RARS2: variants seen among roughly 807,000 people sequenced by gnomAD.
RARS2 encodes the protein probable arginine--tRNA ligase, mitochondrial.
A neutral mutation model predicts 88.5 loss-of-function variants in RARS2; 67 were observed. The observed-to-expected ratio is 0.76, with a 90% CI of 0.62 to 0.93. The LOEUF (loss-of-function observed/expected upper bound fraction) is 0.93. RARS2 is among the 40% of genes least tolerant of loss of function. The probability of loss-of-function intolerance (pLI) is 0.00; values close to 1 mark genes in which losing one functional copy is unlikely to be tolerated. For missense variants in RARS2, 664 were observed against 684.2 expected (o/e 0.97, Z 0.33); for synonymous variants, 239 against 230.3 (o/e 1.04, Z -0.34).
At chr6:87,564,410 A>G (rs1767199344) in intron 2 of RARS2, 178 bp from the exon 3 acceptor site, 1 of 601,796 alleles carries the variant, frequency 1.7e-6, no homozygotes, top group Non-Finnish European at 3.0e-6. Context: ...CTGTAATCCC[A>G]GCACTTTGGG....
chr6:87,516,890 G>A lies in RARS2; in HGVS notation c.1512-10C>T. 2 of 1,613,402 alleles carry A rather than the reference G, an allele frequency of 1.2e-6. No homozygotes were observed. The highest frequency in any genetic ancestry group is 1.1e-5 in the South Asian group (1 of 91,024). On this transcript the variant is annotated splice_polypyrimidine_tract_variant and intron_variant, in intron 17 of 19. Transcript: ENST00000369536. The stretch of plus-strand genomic sequence containing the variant: ...AAGCACCTCGTCGAACCTAAAAGAT[G>A]ACAGGAACAGTGAACAGGAAAAGAC...
chr6:87,575,987 A>G (rs1771370647), intron 1 of RARS2, among the ~76,000 whole-genome samples: 1 of 151,830 alleles, frequency 6.6e-6, no homozygotes, highest in Non-Finnish European at 1.5e-5. Flanking sequence ...TTTAGCAGAG[A>G]CAGGGTTTCA....
In RARS2 at chr6:87,562,564, C is replaced by A. The variant is rs942209017; in HGVS notation, c.297+138G>T. On this transcript the variant is annotated intron_variant, in intron 4 of 19. Transcript: ENST00000369536. ...GAGTAGGTGTTAACTTGGGGTGGTACTCTCCAAGTTATGGATCAGTATGTG... is the reference window on the plus strand; with the variant it reads ...GAGTAGGTGTTAACTTGGGGTGGTAATCTCCAAGTTATGGATCAGTATGTG... 14 of 693,678 alleles carry A rather than the reference C, an allele frequency of 2.0e-5. No individual in the cohort carries two copies. The African/African-American group carries it at 2.5e-4, about 12-fold the overall frequency. The allele number at this position is 693,678 out of a possible 1,614,324, so 43.0% of individuals were successfully genotyped here.
intron 19 of RARS2, among the ~76,000 whole-genome samples, chr6:87,514,747 CTG>C (rs1280451091): frequency 6.6e-6 from 1 of 152,086 alleles, no homozygotes; most frequent in Non-Finnish European, 1.5e-5. Flanking sequence ...GAACTTATCA[CTG>C]TAATATTTCA....
At chr6:87,519,492 G>A (rs1453275930) in intron 14 of RARS2, 91 bp downstream of exon 14, 3 of 1,392,338 alleles carry the variant, frequency 2.2e-6, no homozygotes, top group Non-Finnish European at 3.0e-6. Context: ...TCAATGGAGG[G>A]ACAGACATAA....
At position 87,547,640 on chromosome 6, in the gene RARS2, TTTTTC is replaced by T. The variant is rs1380372999; in HGVS notation, c.451+946_451+950del. On this transcript the variant is annotated intron_variant, in intron 6 of 19. Coordinates refer to ENST00000369536, the MANE Select transcript of RARS2 (RefSeq NM_020320.5). ...TAATCTCTATTTATTGAAATAGTCT[TTTTTC>T]TTTTCTTTTTTTTTTTGAGACAGAA... Among the ~76,000 whole-genome samples, 4 of 152,034 alleles carry T rather than the reference TTTTTC, an allele frequency of 2.6e-5. No homozygotes were observed. The East Asian group carries it at 5.8e-4, about 22-fold the overall frequency.
chr6:87,522,693 G>C (rs2128024994), intron 11 of RARS2, among the ~76,000 whole-genome samples: 1 of 152,284 alleles, frequency 6.6e-6, no homozygotes, highest in South Asian at 2.1e-4. Flanking sequence ...GTATCATCAT[G>C]TTGGCCAGGC....
intron 8 of RARS2, 33 bp from the exon 9 acceptor site, chr6:87,530,975 A>G: frequency 3.1e-6 from 5 of 1,612,506 alleles, no homozygotes; most frequent in Non-Finnish European, 4.2e-6. Flanking sequence ...AATGAAGTAC[A>G]TAACAGGTCA....
intron 1 of RARS2, among the ~76,000 whole-genome samples, chr6:87,581,040 C>T (rs1161071953): frequency 6.6e-6 from 1 of 152,096 alleles, no homozygotes; most frequent in Non-Finnish European, 1.5e-5. Flanking sequence ...TGTCAGCAGT[C>T]CTCAACCATT....
chr6:87,578,440 A>G (rs1030795993), intron 1 of RARS2, among the ~76,000 whole-genome samples: 3 of 152,154 alleles, frequency 2.0e-5, no homozygotes, highest in Non-Finnish European at 4.4e-5. Flanking sequence ...GTATTGCTTA[A>G]TTATTTAAAA....
At chr6:87,534,855 A>G (rs1018768602) in intron 8 of RARS2, among the ~76,000 whole-genome samples, 2 of 152,218 alleles carry the variant, frequency 1.3e-5, no homozygotes, top group Admixed American at 6.5e-5. Flanking sequence ...TCTTGTCTCT[A>G]GACCTGTGGA....
chr6:87,516,936 A>G, intron 17 of RARS2, 56 bp from the exon 18 acceptor site: 1 of 1,605,562 alleles, frequency 6.2e-7, no homozygotes, highest in Non-Finnish European at 8.5e-7. Flanking sequence ...ACACTAAGAC[A>G]TTAGACATTA....
intron 1 of RARS2, among the ~76,000 whole-genome samples, chr6:87,580,116 T>C (rs1773021797): frequency 6.6e-6 from 1 of 152,146 alleles, no homozygotes; most frequent in Non-Finnish European, 1.5e-5. Context: ...TCTTCAACTG[T>C]CTCTGAGATT....
intron 1 of RARS2, among the ~76,000 whole-genome samples, chr6:87,576,519 G>A (rs11967256): frequency 0.25 from 27,337 of 108,852 alleles, 4,923 homozygotes; most frequent in Admixed American, 0.31. Context: ...CTCGTGATCC[G>A]CCCGCCTCGG....
chr6:87,566,338 A>G (rs1767858732), intron 2 of RARS2, among the ~76,000 whole-genome samples: 1 of 152,184 alleles, frequency 6.6e-6, no homozygotes, highest in Non-Finnish European at 1.5e-5. Flanking sequence ...TTCAAACAAA[A>G]AAGTAAAAAA....
At chr6:87,550,159 T>C (rs992672091) in intron 5 of RARS2, among the ~76,000 whole-genome samples, 2 of 152,134 alleles carry the variant, frequency 1.3e-5, no homozygotes, top group Non-Finnish European at 2.9e-5. Context: ...AATGTCATCT[T>C]AAAGGCTTAA....
chr6:87,576,643 G>A (rs1426410053), intron 1 of RARS2, among the ~76,000 whole-genome samples: 4 of 152,092 alleles, frequency 2.6e-5, no homozygotes, highest in South Asian at 2.1e-4. Context: ...GGGTACTCTC[G>A]GGAATTTAAA....
At chr6:87,582,728 C>T (rs1217828311) in intron 1 of RARS2, among the ~76,000 whole-genome samples, 4 of 152,174 alleles carry the variant, frequency 2.6e-5, no homozygotes, top group African/African-American at 7.2e-5. Context: ...GCCCAACATA[C>T]ATATTGCACC....
chr6:87,516,824 C>A lies in RARS2; in HGVS notation c.1568G>T (p.Ser523Ile), dbSNP rs774236518. ...AAAGTACCTTAAAGTTAGAAGGTAA[C>A]TGACGATATGCCTGGGTTGAAAGTC... is the stretch of plus-strand genomic sequence containing the variant. ...SQDFQPRHIV[S>I]YLLTLSHLAA... is the part of the protein sequence containing the mutation. The change falls in exon 18 of 20, where the codon AGT becomes ATT. Residue 523 changes from serine (S) to isoleucine (I), a missense_variant. By Grantham distance (142) the Ser-to-Ile change is moderately radical (BLOSUM62 -2). Transcript: ENST00000369536. 4 of 1,613,658 alleles carry A rather than the reference C, an allele frequency of 2.5e-6. No individual in the cohort carries two copies. The African/African-American group carries it at 4.0e-5, about 16-fold the overall frequency.
Sources: allele counts gnomAD v4.1 joint callset (sites outside exome capture counted in the v4.1 genomes callset), GRCh38; gene constraint gnomAD v4.1.1; transcripts MANE v1.5; gene names NCBI Gene and HGNC (gene_info 2026-07-23, HGNC 2026-07-21).